The following ZNF248 variants were observed in gnomAD, a reference collection of about 807,000 sequenced individuals.
ZNF248 encodes the protein KRAB protein domain.
ZNF248 carries 20 observed loss-of-function variants against 44.3 expected under a neutral mutation model. The observed-to-expected ratio is 0.45, with a 90% CI of 0.32 to 0.66. ZNF248 has a LOEUF of 0.66. ZNF248 is among the 30% of genes least tolerant of loss of function. The pLI is 0.04. For synonymous variants in ZNF248, 224 were observed against 229.0 expected (o/e 0.98, Z 0.20); for missense variants, 654 against 677.0 (o/e 0.97, Z 0.38).
chr10:37,850,726 A>G (rs1336087894), intron 3 of ZNF248, among the ~76,000 whole-genome samples: 2 of 152,328 alleles, frequency 1.3e-5, no homozygotes, highest in East Asian at 3.9e-4. Context: ...AATTTTTAAC[A>G]AATGGTGCTG....
At chr10:37,774,662 T>C (rs1455572809), downstream of ZNF248, among the ~76,000 whole-genome samples, 1 of 152,218 alleles carries the variant, frequency 6.6e-6, no homozygotes, top group Non-Finnish European at 1.5e-5. Flanking sequence ...ACAGGCAGCA[T>C]GCATTTCAGG....
chr10:37,842,198 A>C (rs1049579226), intron 3 of ZNF248, among the ~76,000 whole-genome samples: 1 of 152,192 alleles, frequency 6.6e-6, no homozygotes, highest in African/African-American at 2.4e-5. Flanking sequence ...CCTAAAGCAG[A>C]AAGTTTATAT....
chr10:37,778,913 G>A (rs571372185), intron 6 of ZNF248, among the ~76,000 whole-genome samples: 1 of 152,226 alleles, frequency 6.6e-6, no homozygotes, highest in East Asian at 1.9e-4. Flanking sequence ...AGAAAATCTA[G>A]AAGAAATGGA....
Position 37,856,520 on chromosome 10 carries a change from A to G in ZNF248, c.-113T>C. 1 of 1,222,606 alleles carries G rather than the reference A, an allele frequency of 8.2e-7. No individual in the cohort carries two copies. Among genetic ancestry groups the G allele is most frequent in the Non-Finnish European group, 1.0e-6 (1 of 980,480 alleles). 75.7% of individuals were successfully genotyped at this position (1,222,606 alleles called of 1,614,324 possible). A position where few individuals can be genotyped will look rare whatever the true frequency, so the allele number is the denominator to read the frequency against. On this transcript the variant is annotated 5_prime_UTR_variant, in exon 2 of 6. Transcript: ENST00000395867. The stretch of plus-strand genomic sequence containing the variant: ...TGTAAATATTTCTTATTGATTTATT[A>G]CCAATTTAGGTTCTGTGACACAGAA...
At chr10:37,790,806 G>A (rs2048433111) in intron 6 of ZNF248, among the ~76,000 whole-genome samples, 1 of 150,750 alleles carries the variant, frequency 6.6e-6, no homozygotes, top group South Asian at 2.1e-4. Flanking sequence ...TGTAGCTCCA[G>A]CTACATGGGA....
At chr10:37,856,136 A>G (rs1791655047) in intron 3 of ZNF248, among the ~76,000 whole-genome samples, 160 bp downstream of exon 3, 3 of 152,202 alleles carry the variant, frequency 2.0e-5, no homozygotes, top group Admixed American at 2.0e-4. Flanking sequence ...TCCTGCATCT[A>G]ATTTGCCAAC....
At chr10:37,847,675 A>G (rs1159032902) in intron 3 of ZNF248, among the ~76,000 whole-genome samples, 1 of 152,212 alleles carries the variant, frequency 6.6e-6, no homozygotes, top group African/African-American at 2.4e-5. Context: ...GAAAATTTTC[A>G]TATTAAAAGT....
chr10:37,856,690 C>A, intron 1 of ZNF248, 158 bp from the exon 2 acceptor site: 1 of 1,000,914 alleles, frequency 1.0e-6, no homozygotes, highest in Non-Finnish European at 1.2e-6. Context: ...ACCATTAATG[C>A]CCTGAGGTTA....
chr10:37,804,503 G>A (rs1352978304), intron 6 of ZNF248, among the ~76,000 whole-genome samples: 2 of 151,994 alleles, frequency 1.3e-5, no homozygotes, highest in East Asian at 3.9e-4. Flanking sequence ...TTGCCATCTT[G>A]GCTCACTGCA....
downstream of ZNF248, among the ~76,000 whole-genome samples, chr10:37,828,478 C>A (rs1484368815): frequency 6.6e-6 from 1 of 152,164 alleles, no homozygotes; most frequent in Non-Finnish European, 1.5e-5. Context: ...CTCTGGTCTA[C>A]AGTGACCTCC....
intron 5 of ZNF248, among the ~76,000 whole-genome samples, chr10:37,837,287 A>G (rs1012300847): frequency 3.8e-4 from 58 of 151,844 alleles, no homozygotes; most frequent in Admixed American, 3.8e-3. Flanking sequence ...CTAATTTTTC[A>G]TATTTTTAGT....
rs150840417 is a variant in ZNF248, at chr10:37,850,645, A to C, written c.15+5651T>G. 3.7e-3 allele frequency among the ~76,000 whole-genome samples: 566 copies of C among 152,274 alleles called. 5 individuals are homozygous for C. The highest frequency in any genetic ancestry group is 0.013 in the African/African-American group (538 of 41,562). ...ATAACCCAGAAATAGGCCTACACAA[A>C]TATACTTAAGTGATTTCTGACAAAG... On this transcript the variant is annotated intron_variant, in intron 3 of 5. Transcript: ENST00000395867.
intron 6 of ZNF248, among the ~76,000 whole-genome samples, chr10:37,791,053 T>TC (rs2048486480): frequency 8.8e-6 from 1 of 113,590 alleles, no homozygotes; most frequent in South Asian, 3.3e-4. Flanking sequence ...TTTTTTTTTT[T>TC]TTTTTTTTTT....
the ZNF248 span, among the ~76,000 whole-genome samples, chr10:37,766,998 G>A: frequency 6.6e-6 from 1 of 152,166 alleles, no homozygotes; most frequent in Non-Finnish European, 1.5e-5. Context: ...AGGAGCCGAT[G>A]CAATCAACTG....
At chr10:37,773,988 T>TACACACACACACACACACAC (rs139568981), downstream of ZNF248, among the ~76,000 whole-genome samples, 10 of 149,166 alleles carry the variant, frequency 6.7e-5, no homozygotes, top group African/African-American at 2.5e-4. Flanking sequence ...TGAAAATGAA[T>TACACACACACACACACACAC]ACACACACAC....
intron 3 of ZNF248, among the ~76,000 whole-genome samples, chr10:37,853,173 A>G (rs1273832272): frequency 6.6e-6 from 1 of 152,128 alleles, no homozygotes; most frequent in Non-Finnish European, 1.5e-5. Flanking sequence ...AATGACAAGG[A>G]TATCATACCT....
At chr10:37,824,683 T>TA (rs2054075475), downstream of ZNF248, among the ~76,000 whole-genome samples, 2 of 96,666 alleles carry the variant, frequency 2.1e-5, 1 homozygote, top group East Asian at 6.5e-4. Context: ...ATTTTTTTTT[T>TA]TTTTTTTTTT....
intron 6 of ZNF248, among the ~76,000 whole-genome samples, chr10:37,778,625 A>C (rs991453262): frequency 2.6e-5 from 4 of 152,200 alleles, no homozygotes; most frequent in African/African-American, 9.6e-5. Context: ...CCTGAATGGT[A>C]AAGCCTAGGT....
chr10:37,780,659 C>T (rs1398248437), intron 6 of ZNF248, among the ~76,000 whole-genome samples: 2 of 152,202 alleles, frequency 1.3e-5, no homozygotes, highest in East Asian at 1.9e-4. Flanking sequence ...AAGCAAAGCT[C>T]GCGCCCTTCC....
Sources: allele counts gnomAD v4.1 joint callset (sites outside exome capture counted in the v4.1 genomes callset), GRCh38; gene constraint gnomAD v4.1.1; transcripts MANE v1.5; gene names NCBI Gene and HGNC (gene_info 2026-07-23, HGNC 2026-07-21).